NLN: variants seen among roughly 807,000 people sequenced by gnomAD.
NLN encodes neurolysin, mitochondrial.
A neutral mutation model predicts 79.9 loss-of-function variants in NLN; 64 were observed. That is an observed-to-expected ratio of 0.80 (90% CI 0.65 to 0.99). The LOEUF (loss-of-function observed/expected upper bound fraction) is 0.99. Ranked by LOEUF, NLN falls within the 50% of genes least tolerant of loss-of-function variation. NLN has a pLI of 0.00. For synonymous variants in NLN, 267 were observed against 296.6 expected (o/e 0.90, Z 1.02); for missense variants, 835 against 858.7 (o/e 0.97, Z 0.34).
At chr5:65,804,151 T>C (rs1760354888) in intron 9 of NLN, among the ~76,000 whole-genome samples, 1 of 152,262 alleles carries the variant, frequency 6.6e-6, no homozygotes, top group African/African-American at 2.4e-5. Context: ...TAACCTTTTT[T>C]TTCCATTTTA....
chr5:65,730,578 A>G (rs1554028113), intron 1 of NLN, among the ~76,000 whole-genome samples: 1 of 146,546 alleles, frequency 6.8e-6, no homozygotes, highest in Admixed American at 6.9e-5. Flanking sequence ...TTGTTTTTAG[A>G]TGGAGTCTCA....
At position 65,780,237 on chromosome 5, in the gene NLN, T is replaced by C; in HGVS notation, c.617T>C (p.Leu206Pro). ...CTATGTATTGATTTTAACAAAAACC[T>C]CAATGAGGATGATACCTTCCTTGTA... ...SELCIDFNKNLNEDDTFLVFS... is the reference protein window; with the variant it reads ...SELCIDFNKNPNEDDTFLVFS... The change falls in exon 5 of 13, where the codon CTC (leucine) becomes CCC (proline). Residue 206 changes from leucine to proline, a missense_variant. Coordinates refer to ENST00000380985, the MANE Select transcript of NLN (RefSeq NM_020726.5). The C allele has an allele frequency of 6.7e-7, 1 of 1,493,092 alleles. No homozygotes were observed. The highest frequency in any genetic ancestry group is 9.3e-7 in the Non-Finnish European group (1 of 1,079,484). The allele number at this position is 1,493,092 out of a possible 1,614,324, so 92.5% of individuals were successfully genotyped here. A position where few individuals can be genotyped will look rare whatever the true frequency, so the allele number is the denominator to read the frequency against.
chr5:65,769,783 A>T (rs1759530498), intron 3 of NLN, among the ~76,000 whole-genome samples: 1 of 152,216 alleles, frequency 6.6e-6, no homozygotes, highest in Non-Finnish European at 1.5e-5. Flanking sequence ...ACTTTCCAAG[A>T]GCCACATCAC....
At chr5:65,764,530 A>C (rs1354637277) in intron 3 of NLN, among the ~76,000 whole-genome samples, 1 of 152,176 alleles carries the variant, frequency 6.6e-6, no homozygotes, top group Non-Finnish European at 1.5e-5. Context: ...CCTTCTCAAA[A>C]ATTAAAATAA....
chr5:65,747,005 G>GA (rs1029025334), intron 1 of NLN, among the ~76,000 whole-genome samples: 2,832 of 101,424 alleles, frequency 0.028, 27 homozygotes, highest in Non-Finnish European at 0.029. Context: ...TTCTGTCTCA[G>GA]AAAAAAAAAA....
chr5:65,808,176 G>A (rs950373389), intron 9 of NLN, among the ~76,000 whole-genome samples: 7 of 151,942 alleles, frequency 4.6e-5, no homozygotes, highest in East Asian at 1.9e-4. Context: ...ATCTAGAATC[G>A]GCACAATTAT....
intron 1 of NLN, chr5:65,741,081 A>G (rs1292577502): frequency 1.3e-5 from 2 of 152,486 alleles, no homozygotes; most frequent in African/African-American, 4.8e-5. Context: ...CCAGTTGGCC[A>G]GGTTGGTCTC....
intron 3 of NLN, among the ~76,000 whole-genome samples, chr5:65,771,139 T>G (rs1468456820): frequency 6.6e-6 from 1 of 152,100 alleles, no homozygotes; most frequent in African/African-American, 2.4e-5. Flanking sequence ...CATAAAAATT[T>G]AACATATATT....
intron 12 of NLN, among the ~76,000 whole-genome samples, chr5:65,817,645 G>C (rs1190067219): frequency 2.0e-5 from 3 of 152,142 alleles, no homozygotes; most frequent in African/African-American, 7.2e-5. Context: ...TTCCATCAGA[G>C]GAGAAGAAAT....
At chr5:65,780,653 A>G (rs1422304353) in intron 5 of NLN, among the ~76,000 whole-genome samples, 1 of 151,412 alleles carries the variant, frequency 6.6e-6, no homozygotes, top group Non-Finnish European at 1.5e-5. Context: ...CTTCTTACTC[A>G]GTCCTGGGTC....
chr5:65,758,960 A>T, intron 2 of NLN, 134 bp downstream of exon 2: 1 of 820,040 alleles, frequency 1.2e-6, no homozygotes, highest in Admixed American at 2.5e-5. Context: ...AGAATTATCT[A>T]AGATTTTAAA....
chr5:65,796,051 A>C (rs1760167438), intron 9 of NLN, among the ~76,000 whole-genome samples: 1 of 152,190 alleles, frequency 6.6e-6, no homozygotes, highest in Admixed American at 6.5e-5. Flanking sequence ...TGAAATTCCA[A>C]AAGGCTCACA....
chr5:65,782,768 C>G (rs1759827512), intron 6 of NLN, among the ~76,000 whole-genome samples: 2 of 152,204 alleles, frequency 1.3e-5, no homozygotes, highest in African/African-American at 4.8e-5. Flanking sequence ...AAGCTTATCT[C>G]TCCCATGTAA....
chr5:65,759,012 A>T (rs1301299718), intron 2 of NLN, among the ~76,000 whole-genome samples, 186 bp downstream of exon 2: 1 of 152,234 alleles, frequency 6.6e-6, no homozygotes, highest in Non-Finnish European at 1.5e-5. Flanking sequence ...GTACACTCTG[A>T]TTACACTGCT....
At chr5:65,753,098 A>G (rs1759135397) in intron 1 of NLN, among the ~76,000 whole-genome samples, 1 of 152,188 alleles carries the variant, frequency 6.6e-6, no homozygotes, top group South Asian at 2.1e-4. Flanking sequence ...TTCCCACTAC[A>G]AATAAATGAC....
rs1214502355 is a variant in NLN at position 65,823,563 on chromosome 5, A to C, written c.*648A>C. The C allele has an allele frequency of 6.6e-6, 1 of 152,236 alleles. No homozygotes were observed. Among genetic ancestry groups the C allele is most frequent in the Non-Finnish European group, 1.5e-5 (1 of 68,062 alleles). The allele number at this position is 152,236 out of a possible 1,614,324, so 9.4% of individuals were successfully genotyped here. ...TAAAGTTCAGTCAAAGAGTATCAAA[A>C]AATTATGTTTCAGCTAGACTGGTGT... On this transcript the variant is annotated 3_prime_UTR_variant, in exon 13 of 13. Transcript: ENST00000380985.
chr5:65,752,147 A>G (rs1013331031), intron 1 of NLN, among the ~76,000 whole-genome samples: 9 of 152,032 alleles, frequency 5.9e-5, no homozygotes, highest in African/African-American at 2.2e-4. Context: ...TTCAGGTAAG[A>G]GGATCACCTG....
In NLN at chr5:65,743,561, A is replaced by G. The variant is rs560016350; in HGVS notation, c.42-15006A>G. On this transcript the variant is annotated intron_variant, in intron 1 of 12. Transcript: ENST00000380985. ...TTTGTAGCCAATAATGATAAAAAAT[A>G]TATACAAACAGTATGAAAGAGGAGA... is the stretch of plus-strand genomic sequence containing the variant. Among the ~76,000 whole-genome samples the G allele has an allele frequency of 2.6e-5, 4 of 152,368 alleles. No homozygotes were observed. In the South Asian group the frequency reaches 8.3e-4, roughly 32 times the overall value.
chr5:65,791,140 A>G (rs1249345595), intron 8 of NLN, among the ~76,000 whole-genome samples: 3 of 152,228 alleles, frequency 2.0e-5, no homozygotes, highest in Non-Finnish European at 4.4e-5. Context: ...TAAAAAGACC[A>G]GGTACTGTCT....
Sources: gnomAD v4.1 joint callset for allele counts (sites outside exome capture counted in the v4.1 genomes callset) on GRCh38, gnomAD v4.1.1 for gene constraint, MANE v1.5 for transcripts, NCBI Gene and HGNC (gene_info 2026-07-23, HGNC 2026-07-21) for gene names.